Variants in POLR3G observed in about 807,000 individuals in gnomAD.
POLR3G encodes DNA-directed RNA polymerase III subunit RPC7.
Under a neutral mutation model 30.1 loss-of-function variants are expected in POLR3G, and 28 were observed. The observed-to-expected ratio is 0.93, with a 90% CI of 0.69 to 1.27. POLR3G has a LOEUF of 1.27. POLR3G is among the 50% of genes most tolerant of loss of function. The pLI, the probability that POLR3G is intolerant of heterozygous loss-of-function variation, is 0.00. For synonymous variants in POLR3G, 79 were observed against 82.5 expected (o/e 0.96, Z 0.23); for missense variants, 254 against 264.6 (o/e 0.96, Z 0.28).
At position 90,488,017 on chromosome 5, in the gene POLR3G, A is replaced by G; in HGVS notation, c.135A>G (p.Pro45=). 6.2e-7 allele frequency: 1 copy of G among 1,601,766 alleles called. No homozygotes were observed. Among genetic ancestry groups the G allele is most frequent in the Non-Finnish European group, 8.5e-7 (1 of 1,175,694 alleles). ...PPLFPDTDYK[P]VPLKTGEGEE... Reference sequence around the variant, plus strand: ...TTAAACAGGATACAGATTATAAACCAGTGCCACTGAAAACAGGAGAAGGTG... The same window carrying G: ...TTAAACAGGATACAGATTATAAACCGGTGCCACTGAAAACAGGAGAAGGTG... The change falls in exon 3 of 8, where the codon CCA becomes CCG. Residue 45 remains proline (P), a synonymous_variant. Transcript: ENST00000651687.
intron 1 of POLR3G, among the ~76,000 whole-genome samples, chr5:90,482,085 A>G (rs574659543): frequency 6.6e-6 from 1 of 152,340 alleles, no homozygotes; most frequent in East Asian, 1.9e-4. Flanking sequence ...AAACGACAAC[A>G]TTAAAGATGA....
At chr5:90,495,470 T>C (rs1030063652) in intron 3 of POLR3G, among the ~76,000 whole-genome samples, 1 of 152,216 alleles carries the variant, frequency 6.6e-6, no homozygotes, top group African/African-American at 2.4e-5. Context: ...AGCTTGCTCA[T>C]TTATGCCTCA....
At chr5:90,503,429 G>GA (rs1752347162) in intron 6 of POLR3G, among the ~76,000 whole-genome samples, 1 of 152,214 alleles carries the variant, frequency 6.6e-6, no homozygotes, top group African/African-American at 2.4e-5. Context: ...GGAATGATGG[G>GA]AATGCAGTTC....
chr5:90,488,192 C>T, intron 3 of POLR3G, 63 bp downstream of exon 3: 3 of 1,293,852 alleles, frequency 2.3e-6, no homozygotes, highest in Non-Finnish European at 3.0e-6. Context: ...TGTTTAAGCA[C>T]AAGATATATA....
At position 90,476,126 on chromosome 5, in the gene POLR3G, C is replaced by A. The variant is rs760769191; in HGVS notation, c.-44+1106C>A. Among the ~76,000 whole-genome samples the A allele has an allele frequency of 1.4e-4, 21 of 152,184 alleles. 1 individual carries two copies. The highest frequency in any genetic ancestry group is 5.1e-4 in the African/African-American group (21 of 41,442). ...CAGCATTACAAAAGAATTATGATAA[C>A]CTTTACTGTGACAACTACTAATAAG... On this transcript the variant is annotated intron_variant, in intron 1 of 7. Transcript: ENST00000651687.
At chr5:90,496,064 A>C (rs1751972826) in intron 4 of POLR3G, among the ~76,000 whole-genome samples, 1 of 151,904 alleles carries the variant, frequency 6.6e-6, no homozygotes, top group Non-Finnish European at 1.5e-5. Flanking sequence ...CTCCACCTCC[A>C]GGGATCATGC....
upstream of POLR3G, chr5:90,474,404 G>A (rs1415087472): frequency 3.0e-6 from 3 of 1,004,288 alleles, no homozygotes; most frequent in South Asian, 1.4e-5. Flanking sequence ...CAGCCAGGGA[G>A]GAGGCGTAGA....
chr5:90,483,852 TGA>T (rs1751275318), intron 1 of POLR3G, among the ~76,000 whole-genome samples: 1 of 152,260 alleles, frequency 6.6e-6, no homozygotes, highest in African/African-American at 2.4e-5. Context: ...TGCCACATCC[TGA>T]GTGTTACATA....
chr5:90,498,434 G>A (rs747688448), intron 5 of POLR3G, among the ~76,000 whole-genome samples: 3 of 151,852 alleles, frequency 2.0e-5, no homozygotes, highest in Non-Finnish European at 2.9e-5. Context: ...CTCCCCTCCC[G>A]ACTTTAGTAG....
intron 5 of POLR3G, 71 bp downstream of exon 5, chr5:90,497,777 G>A (rs778011098): frequency 3.9e-6 from 6 of 1,523,988 alleles, no homozygotes; most frequent in Non-Finnish European, 5.3e-6. Context: ...ATATGGATTT[G>A]TCAACCCAAA....
At chr5:90,487,830 G>A (rs773716037) in intron 2 of POLR3G, among the ~76,000 whole-genome samples, 170 bp from the exon 3 acceptor site, 4 of 152,160 alleles carry the variant, frequency 2.6e-5, no homozygotes, top group Non-Finnish European at 5.9e-5. Flanking sequence ...TAGGAAATGG[G>A]TTAACAGGTT....
intron 3 of POLR3G, among the ~76,000 whole-genome samples, chr5:90,494,559 T>A (rs1356950747): frequency 6.7e-6 from 1 of 148,320 alleles, no homozygotes; most frequent in East Asian, 2.0e-4. Flanking sequence ...ACATTTCTTA[T>A]TTTTTTTTTA....
At chr5:90,510,520 T>G (rs1752690024) in intron 7 of POLR3G, among the ~76,000 whole-genome samples, 1 of 152,198 alleles carries the variant, frequency 6.6e-6, no homozygotes, top group Admixed American at 6.5e-5. Context: ...TCCTTATTCA[T>G]CTCCACTTTA....
intron 5 of POLR3G, among the ~76,000 whole-genome samples, chr5:90,499,657 AAG>A (rs569215264): frequency 6.3e-4 from 96 of 152,292 alleles, no homozygotes; most frequent in African/African-American, 2.0e-3. Context: ...GTTATCAACT[AAG>A]AGAAGAGAAG....
At chr5:90,502,813 T>C (rs1752314155) in intron 6 of POLR3G, among the ~76,000 whole-genome samples, 2 of 151,914 alleles carry the variant, frequency 1.3e-5, no homozygotes, top group Admixed American at 1.3e-4. Flanking sequence ...TCTTTTTTTT[T>C]TTTTGGCTGC....
upstream of POLR3G, chr5:90,473,973 G>A (rs1342744448): frequency 6.3e-7 from 1 of 1,597,772 alleles, no homozygotes; most frequent in East Asian, 2.3e-5. Context: ...GCGAGCCAGC[G>A]CCTCGGCCTC....
intron 1 of POLR3G, among the ~76,000 whole-genome samples, chr5:90,485,157 A>G (rs926126578): frequency 3.3e-5 from 5 of 152,212 alleles, no homozygotes; most frequent in African/African-American, 1.2e-4. Flanking sequence ...TATATGACTA[A>G]TGATAGTTTT....
chr5:90,507,867 C>T (rs1054415806), intron 7 of POLR3G, among the ~76,000 whole-genome samples: 1 of 152,020 alleles, frequency 6.6e-6, no homozygotes, highest in African/African-American at 2.4e-5. Flanking sequence ...ACTGTCAGTA[C>T]TTCTGATCAT....
intron 7 of POLR3G, among the ~76,000 whole-genome samples, chr5:90,510,665 A>C (rs1422105129): frequency 6.6e-6 from 1 of 152,116 alleles, no homozygotes; most frequent in Non-Finnish European, 1.5e-5. Context: ...CCAGGTGTCT[A>C]AATATTGCCA....
Sources: gnomAD v4.1 joint callset for allele counts (sites outside exome capture counted in the v4.1 genomes callset) on GRCh38, gnomAD v4.1.1 for gene constraint, MANE v1.5 for transcripts, NCBI Gene and HGNC (gene_info 2026-07-23, HGNC 2026-07-21) for gene names.